Variants in CFAP53 observed in about 807,000 individuals in gnomAD.
CFAP53 encodes the protein cilia- and flagella-associated protein 53.
In CFAP53, 62 loss-of-function variants were observed where a neutral mutation model predicts 59.7. That is an observed-to-expected ratio of 1.04 (90% CI 0.85 to 1.28). The LOEUF (loss-of-function observed/expected upper bound fraction) is 1.28. CFAP53 is among the 50% of genes most tolerant of loss of function. The pLI, the probability that CFAP53 is intolerant of heterozygous loss-of-function variation, is 0.00. For missense variants in CFAP53, 629 were observed against 615.6 expected (o/e 1.02, Z -0.23); for synonymous variants, 218 against 205.7 (o/e 1.06, Z -0.51).
At chr18:50,251,422 G>A in intron 4 of CFAP53, 59 bp downstream of exon 4, 1 of 1,464,130 alleles carries the variant, frequency 6.8e-7, no homozygotes, top group East Asian at 2.3e-5. Flanking sequence ...TAACAGGCCT[G>A]CAAACTGTAC....
chr18:50,261,252 CAAAAA>C lies in CFAP53; in HGVS notation c.300-20_300-16del, dbSNP rs71169499. ...GCTCACGTAGCCTGAAACAAAAAGCCAAAAAAAAAAAAAAAAAAAGAAAACTGTCA... is the reference window on the plus strand; with the variant it reads ...GCTCACGTAGCCTGAAACAAAAAGCCAAAAAAAAAAAAAAGAAAACTGTCA... On this transcript the variant is annotated splice_polypyrimidine_tract_variant and intron_variant, in intron 2 of 7. Transcript: ENST00000398545. 2.0e-3 allele frequency: 2,400 copies of C among 1,205,314 alleles called. No individual in the cohort carries two copies. The highest frequency in any genetic ancestry group is 5.3e-3 in the South Asian group (241 of 45,638). The allele number at this position is 1,205,314 out of a possible 1,614,324, so 74.7% of individuals were successfully genotyped here.
At chr18:50,253,229 G>A (rs2033818172) in intron 3 of CFAP53, among the ~76,000 whole-genome samples, 1 of 151,978 alleles carries the variant, frequency 6.6e-6, no homozygotes, top group Non-Finnish European at 1.5e-5. Flanking sequence ...TGTTACCCAG[G>A]ATGGTCTTGA....
chr18:50,256,078 T>TA (rs1316838379), intron 3 of CFAP53: 1 of 152,262 alleles, frequency 6.6e-6, no homozygotes, highest in African/African-American at 2.4e-5. Flanking sequence ...TTCGTTTCTT[T>TA]AAGATTTTTA....
At position 50,261,997 on chromosome 18, in the gene CFAP53, G is replaced by A. The variant is rs202163106; in HGVS notation, c.292C>T (p.Arg98Ter). The A allele has an allele frequency of 2.6e-5, 41 of 1,602,790 alleles. No homozygotes were observed. Among genetic ancestry groups the A allele is most frequent in the East Asian group, 1.3e-4 (6 of 44,554 alleles). ...QGFIINIEER[R>*]NKLRELLALE... ...CAGGTTTGTGAGCCTTACTTATTTC[G>A]TCTTTCTTCAATGTTAATGATAAAC... The change falls in exon 2 of 8, where the codon CGA becomes TGA. Residue 98 changes from arginine (R) to a stop codon, truncating the protein, a stop_gained. Coordinates refer to ENST00000398545, the MANE Select transcript of CFAP53 (RefSeq NM_145020.5). LOFTEE classifies it high-confidence loss of function.
At chr18:50,251,051 A>G in intron 4 of CFAP53, 75 bp from the exon 5 acceptor site, 1 of 1,223,838 alleles carries the variant, frequency 8.2e-7, no homozygotes, top group Non-Finnish European at 1.2e-6. Context: ...GACTTCAGAG[A>G]TGGGAATAAA....
At chr18:50,245,338 C>T (rs1257821225) in intron 5 of CFAP53, among the ~76,000 whole-genome samples, 1 of 144,794 alleles carries the variant, frequency 6.9e-6, no homozygotes, top group Non-Finnish European at 1.5e-5. Context: ...GCCGAGATTG[C>T]ACCACTGCAG....
intron 5 of CFAP53, among the ~76,000 whole-genome samples, chr18:50,248,037 C>A (rs1424233720): frequency 6.7e-6 from 1 of 149,534 alleles, no homozygotes; most frequent in Admixed American, 6.7e-5. Flanking sequence ...AGATAATGGA[C>A]AAAAACCAGG....
intron 1 of CFAP53, among the ~76,000 whole-genome samples, chr18:50,264,353 A>G (rs1458346399): frequency 1.3e-5 from 2 of 152,210 alleles, no homozygotes; most frequent in Non-Finnish European, 1.5e-5. Context: ...GTCTTAAAGA[A>G]CAATGCTTTA....
intron 5 of CFAP53, among the ~76,000 whole-genome samples, chr18:50,245,059 T>G (rs563136756): frequency 0.028 from 679 of 24,202 alleles, 6 homozygotes; most frequent in African/African-American, 0.079. Flanking sequence ...TGAGACTCTA[T>G]CTCAAAAAAA....
intron 1 of CFAP53, among the ~76,000 whole-genome samples, chr18:50,265,501 G>C (rs1458412579): frequency 6.6e-6 from 1 of 152,142 alleles, no homozygotes; most frequent in Non-Finnish European, 1.5e-5. Flanking sequence ...TACTTGACTT[G>C]TATAAGCTCC....
intron 5 of CFAP53, among the ~76,000 whole-genome samples, chr18:50,247,083 G>A (rs1438434351): frequency 6.6e-6 from 1 of 151,464 alleles, no homozygotes; most frequent in Non-Finnish European, 1.5e-5. Flanking sequence ...ATAATAAAAG[G>A]ACCAATAACC....
In CFAP53 at chr18:50,243,070, TG is replaced by T; in HGVS notation, c.1042del (p.Gln348ArgfsTer17). The T allele has an allele frequency of 6.2e-7, 1 of 1,613,564 alleles. No individual in the cohort carries two copies. Among genetic ancestry groups the T allele is most frequent in the South Asian group, 1.1e-5 (1 of 91,078 alleles). ...CTGAGCTTTTTCTTCCTCACGTCTCTGTGCCAAATATTTATGGTATATCTTC... is the reference window on the plus strand; with the variant it reads ...CTGAGCTTTTTCTTCCTCACGTCTCTTGCCAAATATTTATGGTATATCTTC... ...EQKIYHKYLA[Q>X]RREEEKAQEK... On this transcript the variant is annotated frameshift_variant, in exon 6 of 8. Transcript: ENST00000398545. LOFTEE classifies it high-confidence loss of function.
chr18:50,250,276 C>T (rs1045057096), intron 5 of CFAP53, among the ~76,000 whole-genome samples: 1 of 148,756 alleles, frequency 6.7e-6, no homozygotes, highest in African/African-American at 2.5e-5. Context: ...AATCAAAGTA[C>T]ATGCACACTA....
At chr18:50,260,924 T>C in intron 3 of CFAP53, 140 bp downstream of exon 3, 4 of 724,822 alleles carry the variant, frequency 5.5e-6, no homozygotes, top group Non-Finnish European at 8.9e-6. Context: ...TATTCAATGA[T>C]ATGTAATATA....
chr18:50,232,883 T>C (rs1260216299), intron 7 of CFAP53, among the ~76,000 whole-genome samples: 1 of 152,200 alleles, frequency 6.6e-6, no homozygotes, highest in Non-Finnish European at 1.5e-5. Context: ...CTTCCTTTTC[T>C]TTTTCTCTTT....
chr18:50,233,551 G>A (rs1203928603), intron 7 of CFAP53, among the ~76,000 whole-genome samples: 2 of 152,158 alleles, frequency 1.3e-5, no homozygotes, highest in South Asian at 2.1e-4. Context: ...TAAGGTACTA[G>A]GTGTTTGGTT....
intron 1 of CFAP53, 53 bp downstream of exon 1, chr18:50,266,283 G>T: frequency 6.4e-7 from 1 of 1,572,610 alleles, no homozygotes. Context: ...CAGGCCTGGA[G>T]TGCGGAGAGA....
chr18:50,238,754 T>A (rs947722471), intron 6 of CFAP53, 49 bp from the exon 7 acceptor site: 13 of 1,362,134 alleles, frequency 9.5e-6, no homozygotes, highest in African/African-American at 1.4e-5. Flanking sequence ...CAGACAAGAA[T>A]TGCCAACATC....
At chr18:50,242,363 GAACT>G (rs2033698332) in intron 6 of CFAP53, among the ~76,000 whole-genome samples, 3 of 152,256 alleles carry the variant, frequency 2.0e-5, no homozygotes, top group Admixed American at 6.5e-5. Context: ...TTAATTTTGA[GAACT>G]AATAAATGTC....
Sources: gnomAD v4.1 joint callset for allele counts (sites outside exome capture counted in the v4.1 genomes callset) on GRCh38, gnomAD v4.1.1 for gene constraint, MANE v1.5 for transcripts, NCBI Gene and HGNC (gene_info 2026-07-23, HGNC 2026-07-21) for gene names.